EGFLAM: variants seen among roughly 807,000 people sequenced by gnomAD.
The protein encoded by EGFLAM is pikachurin.
In EGFLAM, 79 loss-of-function variants were observed where a neutral mutation model predicts 113.1. The observed-to-expected ratio is 0.70, with a 90% CI of 0.58 to 0.84. The LOEUF is 0.84. Among genes scored for constraint, EGFLAM ranks in the 40% least tolerant of loss-of-function variants. The probability of loss-of-function intolerance (pLI) is 0.00; values close to 1 mark genes in which losing one functional copy is unlikely to be tolerated. For missense variants in EGFLAM, 1,265 were observed against 1,291.6 expected (o/e 0.98, Z 0.32); for synonymous variants, 504 against 487.6 (o/e 1.03, Z -0.44).
At chr5:38,393,718 A>C (rs1304117707) in intron 6 of EGFLAM, among the ~76,000 whole-genome samples, 1 of 152,086 alleles carries the variant, frequency 6.6e-6, no homozygotes, top group African/African-American at 2.4e-5. Flanking sequence ...CTGGCTGGTC[A>C]CTCCTCTCTG....
intron 1 of EGFLAM, among the ~76,000 whole-genome samples, chr5:38,291,336 C>T (rs1488245710): frequency 1.3e-5 from 2 of 152,342 alleles, no homozygotes; most frequent in East Asian, 3.9e-4. Context: ...GGCTGACCTT[C>T]CCAAAGGTCA....
chr5:38,420,908 C>G (rs1240970323), intron 12 of EGFLAM, among the ~76,000 whole-genome samples: 3 of 152,186 alleles, frequency 2.0e-5, no homozygotes, highest in African/African-American at 4.8e-5. Flanking sequence ...ATAGACTTCC[C>G]TCTGTGAATA....
chr5:38,448,523 A>G, intron 18 of EGFLAM, 144 bp downstream of exon 18: 1 of 766,534 alleles, frequency 1.3e-6, no homozygotes, highest in Non-Finnish European at 2.1e-6. Flanking sequence ...AAAAACACAC[A>G]CAACAAGAAA....
chr5:38,332,541 C>T (rs144966840), intron 1 of EGFLAM, among the ~76,000 whole-genome samples: 46 of 152,246 alleles, frequency 3.0e-4, no homozygotes, highest in Admixed American at 5.2e-4. Flanking sequence ...AGAAGTATAG[C>T]GTGTGGAGTG....
intron 1 of EGFLAM, among the ~76,000 whole-genome samples, chr5:38,324,259 G>A (rs1738820914): frequency 6.6e-6 from 1 of 152,116 alleles, no homozygotes; most frequent in Non-Finnish European, 1.5e-5. Context: ...CAGACCATGT[G>A]CTGTGACTTT....
chr5:38,267,121 A>G (rs1445512583), intron 1 of EGFLAM, among the ~76,000 whole-genome samples: 1 of 152,186 alleles, frequency 6.6e-6, no homozygotes, highest in Non-Finnish European at 1.5e-5. Context: ...CAGTGCTTTG[A>G]TCTCATTTCC....
At chr5:38,269,889 G>A (rs1579706937) in intron 1 of EGFLAM, among the ~76,000 whole-genome samples, 1 of 152,176 alleles carries the variant, frequency 6.6e-6, no homozygotes, top group Non-Finnish European at 1.5e-5. Flanking sequence ...TAACAAAAAG[G>A]AAATAGCCAG....
intron 9 of EGFLAM, among the ~76,000 whole-genome samples, chr5:38,408,328 A>G (rs1579885705): frequency 6.6e-6 from 1 of 152,228 alleles, no homozygotes; most frequent in Admixed American, 6.5e-5. Flanking sequence ...ACTTTTCTTT[A>G]CGCAAGCCTT....
intron 1 of EGFLAM, among the ~76,000 whole-genome samples, chr5:38,337,026 A>G (rs1487250027): frequency 6.6e-6 from 1 of 152,222 alleles, no homozygotes; most frequent in East Asian, 1.9e-4. Flanking sequence ...ATAGATAGTA[A>G]AGCATTTGAA....
intron 1 of EGFLAM, among the ~76,000 whole-genome samples, chr5:38,331,905 T>G (rs1048837481): frequency 6.6e-6 from 1 of 152,240 alleles, no homozygotes; most frequent in Non-Finnish European, 1.5e-5. Flanking sequence ...TGCAGTTTTT[T>G]GTGTGGACGT....
At chr5:38,366,057 C>A (rs567212055) in intron 5 of EGFLAM, among the ~76,000 whole-genome samples, 27 of 152,294 alleles carry the variant, frequency 1.8e-4, no homozygotes, top group African/African-American at 6.3e-4. Flanking sequence ...ATGGAAAACA[C>A]AGAAGCTTTC....
intron 1 of EGFLAM, among the ~76,000 whole-genome samples, chr5:38,329,173 C>T (rs950643806): frequency 6.6e-6 from 1 of 151,924 alleles, no homozygotes; most frequent in Non-Finnish European, 1.5e-5. Context: ...ACTGTAGTCC[C>T]AGCTACTCAG....
chr5:38,407,295 A>C, intron 8 of EGFLAM, 149 bp downstream of exon 8: 1 of 899,800 alleles, frequency 1.1e-6, no homozygotes, highest in Non-Finnish European at 1.6e-6. Context: ...TTAACTATAC[A>C]AGGCAAATTG....
rs769062664 is a variant in EGFLAM, at chr5:38,462,970, G to A, written c.2834G>A (p.Gly945Asp). Reference protein sequence around the residue: ...DYGARTGKSPGMMRQLNINGA... With the variant: ...DYGARTGKSPDMMRQLNINGA... ...GGAGCCAGAACAGGCAAATCCCCAG[G>A]CATGATGCGGCAGCTTAACATCAAT... is the stretch of plus-strand genomic sequence containing the variant. Residue 945 changes from glycine (G) to aspartate (D), a missense_variant, in exon 21 of 22, where the codon GGC becomes GAC. Coordinates refer to ENST00000322350, the MANE Select transcript of EGFLAM (RefSeq NM_152403.4). 6.2e-7 allele frequency: 1 copy of A among 1,614,144 alleles called. No homozygotes were observed. Among genetic ancestry groups the A allele is most frequent in the Non-Finnish European group, 8.5e-7 (1 of 1,180,008 alleles).
At chr5:38,440,806 C>A (rs547869844) in intron 17 of EGFLAM, among the ~76,000 whole-genome samples, 37 of 152,286 alleles carry the variant, frequency 2.4e-4, no homozygotes, top group African/African-American at 7.7e-4. Flanking sequence ...ATAACCAGCA[C>A]CAGGGCTCAT....
intron 1 of EGFLAM, among the ~76,000 whole-genome samples, chr5:38,311,742 T>C (rs1738451012): frequency 1.3e-5 from 2 of 152,058 alleles, no homozygotes; most frequent in Admixed American, 1.3e-4. Flanking sequence ...AAACTTGAAG[T>C]GAAGTTGGCA....
intron 5 of EGFLAM, among the ~76,000 whole-genome samples, chr5:38,361,630 A>G (rs1739925693): frequency 6.6e-6 from 1 of 152,182 alleles, no homozygotes; most frequent in East Asian, 1.9e-4. Flanking sequence ...TTAAAAAAAA[A>G]AAATCACCTC....
At chr5:38,281,663 G>A (rs1758024945) in intron 1 of EGFLAM, among the ~76,000 whole-genome samples, 1 of 152,158 alleles carries the variant, frequency 6.6e-6, no homozygotes, top group Admixed American at 6.5e-5. Context: ...GAAGGGGACT[G>A]ATAGGTATTT....
chr5:38,411,527 G>T (rs1245739626), intron 10 of EGFLAM, among the ~76,000 whole-genome samples: 1 of 141,216 alleles, frequency 7.1e-6, no homozygotes, highest in Non-Finnish European at 1.5e-5. Context: ...CTGTTGCCAA[G>T]GCTGGAGTGC....
Sources: allele counts gnomAD v4.1 joint callset (sites outside exome capture counted in the v4.1 genomes callset), GRCh38; gene constraint gnomAD v4.1.1; transcripts MANE v1.5; gene names NCBI Gene and HGNC (gene_info 2026-07-23, HGNC 2026-07-21).